The following CTNNA3 variants were observed in gnomAD, a reference collection of about 807,000 sequenced individuals.
CTNNA3 encodes the protein catenin alpha 3.
Under a neutral mutation model 95.7 loss-of-function variants are expected in CTNNA3, and 76 were observed. The ratio of observed to expected loss-of-function variants is 0.79; its 90% CI spans 0.66 to 0.96. CTNNA3 has a LOEUF of 0.96. CTNNA3 is among the 40% of genes least tolerant of loss of function. The probability of loss-of-function intolerance (pLI) is 0.00; values close to 1 mark genes in which losing one functional copy is unlikely to be tolerated. For missense variants in CTNNA3, 1,191 were observed against 1,089.8 expected (o/e 1.09, Z -1.31); for synonymous variants, 431 against 374.4 (o/e 1.15, Z -1.74).
intron 2 of CTNNA3, among the ~76,000 whole-genome samples, chr10:67,638,130 A>T (rs1839389789): frequency 1.3e-5 from 2 of 151,914 alleles, no homozygotes; most frequent in African/African-American, 4.9e-5. Context: ...TCTCACGTGC[A>T]GAGACACACA....
At chr10:67,081,102 A>T (rs954845654) in intron 7 of CTNNA3, among the ~76,000 whole-genome samples, 1 of 152,150 alleles carries the variant, frequency 6.6e-6, no homozygotes, top group Non-Finnish European at 1.5e-5. Context: ...ATAATGTCTA[A>T]ATGTTTCTCT....
At chr10:66,161,492 T>C (rs1047889112) in intron 13 of CTNNA3, among the ~76,000 whole-genome samples, 1 of 152,192 alleles carries the variant, frequency 6.6e-6, no homozygotes, top group African/African-American at 2.4e-5. Flanking sequence ...TCTTGGCTGA[T>C]AATTGTTTTG....
chr10:66,101,341 A>G (rs2081621250), intron 14 of CTNNA3, among the ~76,000 whole-genome samples: 1 of 152,204 alleles, frequency 6.6e-6, no homozygotes, highest in Non-Finnish European at 1.5e-5. Flanking sequence ...ATATTACCAA[A>G]TACTATCTGT....
At chr10:66,473,180 C>G (rs878881707) in intron 11 of CTNNA3, among the ~76,000 whole-genome samples, 1 of 151,850 alleles carries the variant, frequency 6.6e-6, no homozygotes, top group Admixed American at 6.6e-5. Context: ...TATGCTTAGG[C>G]TTTGTGTCCC....
intron 13 of CTNNA3, among the ~76,000 whole-genome samples, chr10:66,208,908 C>T (rs2087937266): frequency 6.6e-6 from 1 of 152,064 alleles, no homozygotes; most frequent in African/African-American, 2.4e-5. Context: ...GTCTCCTCCA[C>T]TTCAATGTAC....
At chr10:67,491,297 T>A (rs1245591188) in intron 5 of CTNNA3, among the ~76,000 whole-genome samples, 1 of 152,156 alleles carries the variant, frequency 6.6e-6, no homozygotes, top group Non-Finnish European at 1.5e-5. Context: ...ACATTAAAAA[T>A]CAACTTTGTC....
intron 12 of CTNNA3, among the ~76,000 whole-genome samples, chr10:66,360,818 TTTCTTTCTTTCTTTCTTTC>T (rs1173825261): frequency 7.0e-5 from 5 of 71,148 alleles, no homozygotes; most frequent in South Asian, 5.6e-4. Context: ...CCTTCCTTCC[TTTCTTTCTTTCTTTCTTTC>T]TTTCTTTCTT....
chr10:67,363,492 AC>A (rs1327862765), intron 5 of CTNNA3, among the ~76,000 whole-genome samples: 1 of 151,966 alleles, frequency 6.6e-6, no homozygotes, highest in Admixed American at 6.6e-5. Context: ...ACACACACAC[AC>A]AAAAAAACTC....
intron 9 of CTNNA3, among the ~76,000 whole-genome samples, chr10:66,701,981 G>A (rs967374906): frequency 3.9e-5 from 6 of 152,096 alleles, no homozygotes; most frequent in African/African-American, 1.4e-4. Flanking sequence ...GAAGGCAAGT[G>A]TCAACATCTC....
chr10:66,805,927 G>A (rs577081387), intron 7 of CTNNA3, among the ~76,000 whole-genome samples: 1 of 152,150 alleles, frequency 6.6e-6, no homozygotes, highest in Non-Finnish European at 1.5e-5. Context: ...AAAATGCCAA[G>A]GAAGTTTTTT....
At chr10:67,619,656 AG>A (rs1843762990) in intron 2 of CTNNA3, among the ~76,000 whole-genome samples, 1 of 152,218 alleles carries the variant, frequency 6.6e-6, no homozygotes, top group African/African-American at 2.4e-5. Flanking sequence ...GACTATTGGA[AG>A]AAAGGTCTCA....
At chr10:66,803,212 T>C (rs1340813349) in intron 7 of CTNNA3, among the ~76,000 whole-genome samples, 1 of 152,068 alleles carries the variant, frequency 6.6e-6, no homozygotes, top group Non-Finnish European at 1.5e-5. Context: ...ATCCATTTGG[T>C]TTGGTTCTGG....
At chr10:65,980,358 A>G (rs2078292957) in intron 16 of CTNNA3, among the ~76,000 whole-genome samples, 1 of 151,934 alleles carries the variant, frequency 6.6e-6, no homozygotes. Context: ...CAACAACAAA[A>G]AAGTCCAGGA....
At chr10:66,373,085 A>G (rs1020606480) in intron 12 of CTNNA3, among the ~76,000 whole-genome samples, 2 of 152,116 alleles carry the variant, frequency 1.3e-5, no homozygotes, top group African/African-American at 4.8e-5. Context: ...GTCAGAATAT[A>G]TTATTTTTTA....
intron 11 of CTNNA3, among the ~76,000 whole-genome samples, chr10:66,421,834 CAA>C (rs35845509): frequency 8.6e-5 from 7 of 81,528 alleles, no homozygotes; most frequent in African/African-American, 1.7e-4. Flanking sequence ...GACTCTGTCT[CAA>C]AAAAAAAAAA....
chr10:66,501,721 A>C (rs1217210790), intron 11 of CTNNA3, among the ~76,000 whole-genome samples: 2 of 152,140 alleles, frequency 1.3e-5, no homozygotes, highest in South Asian at 4.1e-4. Context: ...TTGAGTTTTC[A>C]TATACTCAGA....
Position 66,397,595 on chromosome 10 carries a change from T to C in CTNNA3, c.1532-18243A>G, listed in dbSNP as rs184097718. ...GCAGAGTTCCTACTACAAGGTATTT[T>C]GTGAGGTGTAGAGAAATTTCAAGAT... On this transcript the variant is annotated intron_variant, in intron 11 of 17. Transcript: ENST00000433211. Among the ~76,000 whole-genome samples the C allele has an allele frequency of 3.5e-3, 531 of 151,930 alleles. 4 individuals are homozygous for C. Among genetic ancestry groups the C allele is most frequent in the Middle Eastern group, 0.024 (7 of 294 alleles).
intron 12 of CTNNA3, among the ~76,000 whole-genome samples, chr10:66,307,311 G>T (rs1447190376): frequency 6.6e-6 from 1 of 152,106 alleles, no homozygotes; most frequent in Non-Finnish European, 1.5e-5. Flanking sequence ...CTAAAAATAA[G>T]TTTTATCATT....
At chr10:66,057,825 C>T (rs2080116556) in intron 15 of CTNNA3, among the ~76,000 whole-genome samples, 1 of 152,056 alleles carries the variant, frequency 6.6e-6, no homozygotes, top group Non-Finnish European at 1.5e-5. Flanking sequence ...AAAAGCCAGG[C>T]ATGTTTTTCA....
Sources: gnomAD v4.1 joint callset for allele counts (sites outside exome capture counted in the v4.1 genomes callset) on GRCh38, gnomAD v4.1.1 for gene constraint, MANE v1.5 for transcripts, NCBI Gene and HGNC (gene_info 2026-07-23, HGNC 2026-07-21) for gene names.